ZNF462: variants seen among roughly 807,000 people sequenced by gnomAD.
ZNF462 encodes zinc finger PBX1-interacting protein.
In ZNF462, 10 loss-of-function variants were observed where a neutral mutation model predicts 201.9. The observed-to-expected ratio is 0.05, with a 90% CI of 0.03 to 0.08. The LOEUF (loss-of-function observed/expected upper bound fraction) is 0.08, where lower values mean the gene tolerates loss of function less well. Ranked by LOEUF, ZNF462 falls within the 10% of genes least tolerant of loss-of-function variation. The probability of loss-of-function intolerance (pLI) is 1.00; values close to 1 mark genes in which losing one functional copy is unlikely to be tolerated. For synonymous variants in ZNF462, 1,227 were observed against 1,193.3 expected (o/e 1.03, Z -0.58); for missense variants, 2,523 against 3,168.3 (o/e 0.80, Z 4.89).
chr9:106,912,547 C>T (rs1273156341), intron 1 of ZNF462, among the ~76,000 whole-genome samples: 1 of 152,196 alleles, frequency 6.6e-6, no homozygotes, highest in Non-Finnish European at 1.5e-5. Context: ...AGTGTGAATA[C>T]TGTTGAACAA....
At chr9:106,944,373 C>T (rs1831012693) in intron 7 of ZNF462, among the ~76,000 whole-genome samples, 1 of 152,162 alleles carries the variant, frequency 6.6e-6, no homozygotes, top group South Asian at 2.1e-4. Context: ...GAAGAAGAGA[C>T]TCATTTGGTG....
intron 1 of ZNF462, among the ~76,000 whole-genome samples, chr9:106,864,039 G>GCGCTCTCTCT (rs1564062266): frequency 4.0e-4 from 9 of 22,760 alleles, no homozygotes; most frequent in East Asian, 2.5e-3. Flanking sequence ...CAGGTATTTG[G>GCGCTCTCTCT]CTCTCTCTCT....
chr9:106,958,370 CA>C (rs572333103), intron 7 of ZNF462, among the ~76,000 whole-genome samples: 43 of 152,212 alleles, frequency 2.8e-4, no homozygotes, highest in African/African-American at 9.4e-4. Flanking sequence ...TTGGGCCCTG[CA>C]TTTCTCACTG....
At chr9:106,943,065 T>C (rs1261407897) in intron 7 of ZNF462, among the ~76,000 whole-genome samples, 1 of 149,166 alleles carries the variant, frequency 6.7e-6, no homozygotes, top group African/African-American at 2.5e-5. Context: ...CGCGCGTGTG[T>C]GTGTGTGTGT....
chr9:106,944,608 A>G (rs1831023965), intron 7 of ZNF462, among the ~76,000 whole-genome samples: 2 of 152,164 alleles, frequency 1.3e-5, no homozygotes, highest in Admixed American at 1.3e-4. Context: ...CTGTTAGTAA[A>G]TATACAATCA....
At chr9:106,985,084 G>A (rs1009721978) in intron 10 of ZNF462, among the ~76,000 whole-genome samples, 4 of 152,012 alleles carry the variant, frequency 2.6e-5, no homozygotes, top group Non-Finnish European at 2.9e-5. Context: ...GCACTGGAGC[G>A]TGGGCGACAA....
intron 1 of ZNF462, among the ~76,000 whole-genome samples, chr9:106,888,659 T>C (rs1287573393): frequency 2.0e-5 from 3 of 152,216 alleles, no homozygotes; most frequent in African/African-American, 7.2e-5. Context: ...TGCCATTGGC[T>C]ACTCCACATC....
At position 106,927,532 on chromosome 9, in the gene ZNF462, G is replaced by C; in HGVS notation, c.3620G>C (p.Gly1207Ala). ...HCDYGNRTVK[G>A]VLIHYQKKHR... ...GATTATGGGAACCGGACGGTCAAAG[G>C]GGTACTCATTCATTATCAGAAGAAG... is the stretch of plus-strand genomic sequence containing the variant. The change falls in exon 3 of 13, where the codon GGG becomes GCG. Residue 1207 changes from glycine to alanine, a missense_variant. Gly to Ala is a moderately conservative substitution (Grantham distance 60, BLOSUM62 0). This residue lies in a region of ZNF462 where 222 missense variants were observed against 271.6 expected (regional missense o/e 0.82). Coordinates refer to ENST00000277225, the MANE Select transcript of ZNF462 (RefSeq NM_021224.6). The C allele has an allele frequency of 6.2e-7, 1 of 1,613,862 alleles. No individual in the cohort carries two copies. The highest frequency in any genetic ancestry group is 1.3e-5 in the African/African-American group (1 of 74,938).
chr9:106,962,547 A>G lies in ZNF462; in HGVS notation c.6428-9458A>G, dbSNP rs1283316500. 6.6e-6 allele frequency among the ~76,000 whole-genome samples: 1 copy of G among 152,064 alleles called. No individual in the cohort carries two copies. The highest frequency in any genetic ancestry group is 1.5e-5 in the Non-Finnish European group (1 of 67,984). On this transcript the variant is annotated intron_variant, in intron 7 of 12. Transcript: ENST00000277225. The surrounding 1 kb of genome is among the most constrained non-coding windows in gnomAD (Gnocchi z 4.6). ...AGGTCTTTGAGAAACCTTTTCAGTGAATGTAAGTATGATGGGAAACTAGAT... is the reference window on the plus strand; with the variant it reads ...AGGTCTTTGAGAAACCTTTTCAGTGGATGTAAGTATGATGGGAAACTAGAT...
intron 1 of ZNF462, among the ~76,000 whole-genome samples, chr9:106,864,244 G>A (rs1405038583): frequency 1.3e-5 from 2 of 151,998 alleles, no homozygotes; most frequent in Admixed American, 1.3e-4. Flanking sequence ...GCAGGTTCAG[G>A]AGCGGCTGAG....
At chr9:106,893,002 C>G (rs1828655701) in intron 1 of ZNF462, among the ~76,000 whole-genome samples, 1 of 152,232 alleles carries the variant, frequency 6.6e-6, no homozygotes, top group African/African-American at 2.4e-5. Context: ...GAGCCCCCTT[C>G]TATATCTCAG....
rs774752725 is a variant in ZNF462 at position 106,991,838 on chromosome 9, C to CCACACA, written c.7056+7429_7056+7430insCACACA. The stretch of plus-strand genomic sequence containing the variant: ...TGACCCTTGACCTTTACAGCACTCT[C>CCACACA]TACACACACACACACACACACACAC... On this transcript the variant is annotated intron_variant, in intron 10 of 12. Coordinates refer to ENST00000277225, the MANE Select transcript of ZNF462 (RefSeq NM_021224.6). 2.2e-3 allele frequency among the ~76,000 whole-genome samples: 281 copies of CCACACA among 128,224 alleles called. 1 individual carries two copies. Among genetic ancestry groups the CCACACA allele is most frequent in the Middle Eastern group, 8.2e-3 (2 of 244 alleles). 84.1% of individuals were successfully genotyped at this position (128,224 alleles called of 152,430 possible).
Position 106,924,197 on chromosome 9 carries a change from G to A in ZNF462, c.285G>A (p.Gln95=), listed in dbSNP as rs1305680865. ...GCCACAGTCCAGGATATTATGGTCA[G>A]CATATTGCCGCTAATCCCAAACCAA... ...YYGHSPGYYG[Q]HIAANPKPTN... is the part of the protein sequence containing the mutation. The change falls in exon 3 of 13, where the codon CAG becomes CAA. Residue 95 remains glutamine, a synonymous_variant. Transcript: ENST00000277225. This position sits in a 1 kb window ranked among gnomAD's most constrained non-coding sequence, Gnocchi z 6.2. 3 of 1,614,100 alleles carry A rather than the reference G, an allele frequency of 1.9e-6. No homozygotes were observed. Among genetic ancestry groups the A allele is most frequent in the South Asian group, 2.2e-5 (2 of 91,076 alleles).
chr9:106,886,203 G>A lies in ZNF462; in HGVS notation c.-31+22848G>A, dbSNP rs1828309481. Among the ~76,000 whole-genome samples, 2 of 152,154 alleles carry A rather than the reference G, an allele frequency of 1.3e-5. No homozygotes were observed. Among genetic ancestry groups the A allele is most frequent in the South Asian group, 2.1e-4 (1 of 4,818 alleles). ...TGACTTAGTAAAAAAGAAAAGTAGG[G>A]GTGGGGTGGTTAAGAAGGTGGCTGG... On this transcript the variant is annotated intron_variant, in intron 1 of 12. Coordinates refer to ENST00000277225, the MANE Select transcript of ZNF462 (RefSeq NM_021224.6). This position sits in a 1 kb window ranked among gnomAD's most constrained non-coding sequence, Gnocchi z 4.6.
At chr9:106,931,232 A>G (rs1173573879) in intron 4 of ZNF462, among the ~76,000 whole-genome samples, 1 of 152,118 alleles carries the variant, frequency 6.6e-6, no homozygotes, top group African/African-American at 2.4e-5. Flanking sequence ...TGTCTCCTCC[A>G]TCCCCTCTCC....
intron 7 of ZNF462, 59 bp downstream of exon 7, chr9:106,939,166 A>G: frequency 7.1e-7 from 1 of 1,404,120 alleles, no homozygotes; most frequent in Non-Finnish European, 9.5e-7. Flanking sequence ...GCTGGGATTC[A>G]TTGCCAATCA....
intron 7 of ZNF462, among the ~76,000 whole-genome samples, chr9:106,953,674 G>A (rs974991882): frequency 1.3e-5 from 2 of 151,974 alleles, no homozygotes; most frequent in African/African-American, 4.8e-5. Flanking sequence ...GATATATGAA[G>A]TCAACTTGCC....
Position 106,926,181 on chromosome 9 carries a change from G to T in ZNF462, c.2269G>T (p.Ala757Ser), listed in dbSNP as rs138089004. The change falls in exon 3 of 13, where the codon GCC becomes TCC. Residue 757 changes from alanine to serine, a missense_variant. Physicochemically the swap from Ala to Ser is moderately conservative, Grantham distance 99. Transcript: ENST00000277225. The surrounding 1 kb of genome is among the most constrained non-coding windows in gnomAD (Gnocchi z 7.9). ...CATAGAGGTTCCCACTTCCTTTTCTGCCCAACAGATATGGGTAAGAGATAC... is the reference window on the plus strand; with the variant it reads ...CATAGAGGTTCCCACTTCCTTTTCTTCCCAACAGATATGGGTAAGAGATAC... ...PIIEVPTSFS[A>S]QQIWVRDTSE... 6.2e-7 allele frequency: 1 copy of T among 1,614,172 alleles called. No homozygotes were observed. Among genetic ancestry groups the T allele is most frequent in the African/African-American group, 1.3e-5 (1 of 75,038 alleles).
rs1374768705 is a variant in ZNF462 at position 106,903,652 on chromosome 9, CA to C, written c.-30-19700del. 3.9e-5 allele frequency among the ~76,000 whole-genome samples: 6 copies of C among 152,298 alleles called. No individual in the cohort carries two copies. In the South Asian group the frequency reaches 8.3e-4, roughly 21 times the overall value. On this transcript the variant is annotated intron_variant, in intron 1 of 12. Transcript: ENST00000277225. The stretch of plus-strand genomic sequence containing the variant: ...ACAATTGTGATATTTTCCTGTTAGA[CA>C]AGGCCTTTTACCATTGTATACTGTC...
Sources: allele counts gnomAD v4.1 joint callset (sites outside exome capture counted in the v4.1 genomes callset), GRCh38; gene constraint gnomAD v4.1.1; regional missense constraint gnomAD v4.1.1; non-coding constraint Gnocchi (gnomAD v3.1); transcripts MANE v1.5; gene names NCBI Gene and HGNC (gene_info 2026-07-23, HGNC 2026-07-21).